The following LHFPL2 variants were observed in gnomAD, a reference collection of about 807,000 sequenced individuals.
The protein encoded by LHFPL2 is LHFPL tetraspan subfamily member 2.
Under a neutral mutation model 17.5 loss-of-function variants are expected in LHFPL2, and 7 were observed. The ratio of observed to expected loss-of-function variants is 0.40; its 90% CI spans 0.23 to 0.75. LHFPL2 has a LOEUF of 0.75. Among genes scored for constraint, LHFPL2 ranks in the 30% least tolerant of loss-of-function variants. LHFPL2 has a pLI of 0.37. For missense variants in LHFPL2, 241 were observed against 294.8 expected (o/e 0.82, Z 1.34); for synonymous variants, 134 against 116.2 (o/e 1.15, Z -0.99).
chr5:78,633,338 G>A (rs896036332), intron 1 of LHFPL2, among the ~76,000 whole-genome samples: 1 of 152,244 alleles, frequency 6.6e-6, no homozygotes, highest in African/African-American at 2.4e-5. Flanking sequence ...CACCAGCTCA[G>A]TGCCACTGCC....
chr5:78,560,970 A>G (rs1372108203), intron 3 of LHFPL2, among the ~76,000 whole-genome samples: 1 of 152,206 alleles, frequency 6.6e-6, no homozygotes, highest in Non-Finnish European at 1.5e-5. Flanking sequence ...AAAAGCATAA[A>G]CTAATTTTAA....
intron 2 of LHFPL2, among the ~76,000 whole-genome samples, chr5:78,569,569 A>C (rs879735989): frequency 6.6e-6 from 1 of 152,188 alleles, no homozygotes; most frequent in Non-Finnish European, 1.5e-5. Context: ...GTTTAACAGA[A>C]CTGGGTCAGC....
At chr5:78,631,047 A>G (rs980763880) in intron 2 of LHFPL2, among the ~76,000 whole-genome samples, 2 of 152,228 alleles carry the variant, frequency 1.3e-5, no homozygotes, top group Non-Finnish European at 2.9e-5. Flanking sequence ...AAAGCACCCA[A>G]CTTACTAAGA....
At chr5:78,547,032 A>T (rs1756297807) in intron 3 of LHFPL2, among the ~76,000 whole-genome samples, 1 of 150,330 alleles carries the variant, frequency 6.7e-6, no homozygotes, top group African/African-American at 2.4e-5. Flanking sequence ...AAAAAAAAGT[A>T]GGGGGTTGAG....
chr5:78,567,125 TA>T (rs1444361370), intron 2 of LHFPL2, among the ~76,000 whole-genome samples: 1 of 152,224 alleles, frequency 6.6e-6, no homozygotes, highest in African/African-American at 2.4e-5. Context: ...GGCAGAATTG[TA>T]TCCCAGTTCC....
chr5:78,568,403 G>A (rs1158625232), intron 2 of LHFPL2, among the ~76,000 whole-genome samples: 4 of 152,200 alleles, frequency 2.6e-5, no homozygotes, highest in African/African-American at 9.7e-5. Flanking sequence ...AGAAACAATA[G>A]CTGCCTTTAG....
rs1031554078 is a variant in LHFPL2 at position 78,648,027 on chromosome 5, G to C, written c.-350+472C>G. 6.6e-6 allele frequency among the ~76,000 whole-genome samples: 1 copy of C among 152,130 alleles called. No individual in the cohort carries two copies. The highest frequency in any genetic ancestry group is 6.5e-5 in the Admixed American group (1 of 15,282). ...CAGATTTGAGAAGCAGCTGACGTCT[G>C]TGGCCAGAGTGACCCACACGCCACG... On this transcript the variant is annotated intron_variant, in intron 1 of 4. Coordinates refer to ENST00000380345, the MANE Select transcript of LHFPL2 (RefSeq NM_005779.3). The surrounding 1 kb of genome is among the most constrained non-coding windows in gnomAD (Gnocchi z 5.4).
rs61070105 is a variant in LHFPL2, at chr5:78,485,329, TTACAA to T, written c.*3563_*3567del. The T allele has an allele frequency of 0.045, 6,863 of 152,658 alleles. 317 individuals carry two copies. Among genetic ancestry groups the T allele is most frequent in the East Asian group, 0.26 (1,352 of 5,162 alleles). The allele number at this position is 152,658 out of a possible 1,614,324, so 9.5% of individuals were successfully genotyped here. On this transcript the variant is annotated 3_prime_UTR_variant, in exon 5 of 5. Coordinates refer to ENST00000380345, the MANE Select transcript of LHFPL2 (RefSeq NM_005779.3). ...AATCAATGCTAGACAATGTATTAGT[TTACAA>T]TATAATAGGATAACTACAAGTTTGA...
chr5:78,587,027 T>C (rs1866949), intron 2 of LHFPL2, among the ~76,000 whole-genome samples: 2,785 of 152,324 alleles, frequency 0.018, 78 homozygotes, highest in African/African-American at 0.064. Context: ...ACTGTTAAAT[T>C]ATTACAACTA....
In LHFPL2 at chr5:78,511,105, GAA is replaced by G. The variant is rs11323839; in HGVS notation, c.-185-709_-185-708del. On this transcript the variant is annotated intron_variant, in intron 3 of 4. Transcript: ENST00000380345. ...TTTACACTAATTAAAACTCAGAGGGGAAAAAAAAAAAACCTTAAGAGTTCATG... is the reference window on the plus strand; with the variant it reads ...TTTACACTAATTAAAACTCAGAGGGGAAAAAAAAAACCTTAAGAGTTCATG... Among the ~76,000 whole-genome samples the G allele has an allele frequency of 8.3e-3, 1,239 of 148,944 alleles. 14 individuals carry two copies. Among genetic ancestry groups the G allele is most frequent in the African/African-American group, 0.028 (1,133 of 40,594 alleles).
chr5:78,581,276 C>A (rs1052042098), intron 2 of LHFPL2, among the ~76,000 whole-genome samples: 5 of 151,886 alleles, frequency 3.3e-5, no homozygotes, highest in Admixed American at 6.6e-5. Context: ...AATTGAATAC[C>A]CTTTATTTCC....
intron 3 of LHFPL2, among the ~76,000 whole-genome samples, chr5:78,511,785 C>A (rs138181054): frequency 1.3e-3 from 203 of 152,310 alleles, no homozygotes; most frequent in Non-Finnish European, 2.4e-3. Context: ...ATCCTCATAT[C>A]ATGGTAGTTG....
rs530083590 is a variant in LHFPL2 at position 78,488,173 on chromosome 5, GA to G, written c.*723del. ...GTGCTAGCCTGGCTGCTGGGAAGAA[GA>G]AAAAATACGTCTTCACTAGCAAGAT... On this transcript the variant is annotated 3_prime_UTR_variant, in exon 5 of 5. Coordinates refer to ENST00000380345, the MANE Select transcript of LHFPL2 (RefSeq NM_005779.3). 1.3e-5 allele frequency: 2 copies of G among 152,346 alleles called. No homozygotes were observed. The highest frequency in any genetic ancestry group is 4.8e-5 in the African/African-American group (2 of 41,564). 9.4% of individuals were successfully genotyped at this position (152,346 alleles called of 1,614,324 possible). A position where few individuals can be genotyped will look rare whatever the true frequency, so the allele number is the denominator to read the frequency against.
In LHFPL2 at chr5:78,648,033, A is replaced by T. The variant is rs1320401604; in HGVS notation, c.-350+466T>A. Among the ~76,000 whole-genome samples, 1 of 152,104 alleles carries T rather than the reference A, an allele frequency of 6.6e-6. No homozygotes were observed. The highest frequency in any genetic ancestry group is 1.5e-5 in the Non-Finnish European group (1 of 68,010). ...TGAGAAGCAGCTGACGTCTGTGGCC[A>T]GAGTGACCCACACGCCACGGACCAG... On this transcript the variant is annotated intron_variant, in intron 1 of 4. Transcript: ENST00000380345. The surrounding 1 kb of genome is among the most constrained non-coding windows in gnomAD (Gnocchi z 5.4).
intron 3 of LHFPL2, among the ~76,000 whole-genome samples, chr5:78,513,049 CT>C (rs1240756337): frequency 5.3e-5 from 8 of 152,192 alleles, no homozygotes; most frequent in African/African-American, 1.9e-4. Flanking sequence ...GCAACCACCC[CT>C]GCCTGAATGT....
At position 78,589,763 on chromosome 5, in the gene LHFPL2, G is replaced by A. The variant is rs1252808095; in HGVS notation, c.-244-24892C>T. Reference sequence around the variant, plus strand: ...ACCATGGGTTGGCTCCTTGAGGACGGCCACTATGTCTGGTTCACCTCATAT... The same window carrying A: ...ACCATGGGTTGGCTCCTTGAGGACGACCACTATGTCTGGTTCACCTCATAT... On this transcript the variant is annotated intron_variant, in intron 2 of 4. Transcript: ENST00000380345. Among the ~76,000 whole-genome samples the A allele has an allele frequency of 3.3e-5, 5 of 152,188 alleles. No individual in the cohort carries two copies. In the East Asian group the frequency reaches 7.7e-4, roughly 23 times the overall value.
intron 4 of LHFPL2, among the ~76,000 whole-genome samples, chr5:78,493,998 T>C (rs1397762546): frequency 6.6e-6 from 1 of 151,974 alleles, no homozygotes; most frequent in Non-Finnish European, 1.5e-5. Flanking sequence ...TTGGACTGGG[T>C]TTCACATGAC....
intron 3 of LHFPL2, among the ~76,000 whole-genome samples, chr5:78,526,734 T>G (rs1439771975): frequency 2.6e-5 from 4 of 152,178 alleles, no homozygotes; most frequent in African/African-American, 9.7e-5. Context: ...TACCATGATA[T>G]GCTATTATTA....
intron 3 of LHFPL2, among the ~76,000 whole-genome samples, chr5:78,537,225 G>A (rs1232409777): frequency 1.3e-5 from 2 of 152,084 alleles, no homozygotes; most frequent in Non-Finnish European, 2.9e-5. Context: ...AGCTTTCTCC[G>A]AGGGGCCCAG....
Sources: allele counts gnomAD v4.1 joint callset (sites outside exome capture counted in the v4.1 genomes callset), GRCh38; gene constraint gnomAD v4.1.1; non-coding constraint Gnocchi (gnomAD v3.1); transcripts MANE v1.5; gene names NCBI Gene and HGNC (gene_info 2026-07-23, HGNC 2026-07-21).